Variants in DSCAM observed in about 807,000 individuals in gnomAD.
DSCAM encodes DS cell adhesion molecule, also known as cell adhesion molecule DSCAM.
Under a neutral mutation model 217.7 loss-of-function variants are expected in DSCAM, and 47 were observed. That is an observed-to-expected ratio of 0.22 (90% CI 0.17 to 0.28). The LOEUF is 0.28. DSCAM is among the 10% of genes least tolerant of loss of function. The probability of loss-of-function intolerance (pLI) is 1.00; values close to 1 mark genes in which losing one functional copy is unlikely to be tolerated. For missense variants in DSCAM, 2,080 were observed against 2,618.3 expected (o/e 0.79, Z 4.49); for synonymous variants, 1,056 against 1,015.3 (o/e 1.04, Z -0.76).
rs186777402 is a variant in DSCAM, at chr21:40,374,504, T to G, written c.509-5259A>C. On this transcript the variant is annotated intron_variant, in intron 3 of 32. Transcript: ENST00000400454. ...CCACAGGCAAAATATTTACTAAACCTCTGAGCCAATGTCACATGACAGAGC... is the reference window on the plus strand; with the variant it reads ...CCACAGGCAAAATATTTACTAAACCGCTGAGCCAATGTCACATGACAGAGC... 1.9e-3 allele frequency among the ~76,000 whole-genome samples: 287 copies of G among 152,318 alleles called. 2 individuals are homozygous for G. The highest frequency in any genetic ancestry group is 6.4e-3 in the African/African-American group (266 of 41,566).
chr21:40,508,458 G>C (rs1342141459), intron 3 of DSCAM, among the ~76,000 whole-genome samples: 2 of 151,916 alleles, frequency 1.3e-5, no homozygotes, highest in Admixed American at 1.3e-4. Context: ...ATGGTAAAAA[G>C]ATCCCAAGCA....
chr21:40,769,619 G>A (rs113784482), intron 1 of DSCAM, among the ~76,000 whole-genome samples: 20 of 152,230 alleles, frequency 1.3e-4, no homozygotes, highest in African/African-American at 4.3e-4. Flanking sequence ...TGTGTATCAC[G>A]ACAGACTCTT....
chr21:40,769,397 AAGG>A (rs1569027921), intron 1 of DSCAM, among the ~76,000 whole-genome samples: 1 of 151,890 alleles, frequency 6.6e-6, no homozygotes, highest in African/African-American at 2.4e-5. Flanking sequence ...CCATGGGGAG[AAGG>A]AGATGAGGCC....
intron 11 of DSCAM, among the ~76,000 whole-genome samples, chr21:40,229,928 G>A (rs1420427906): frequency 6.6e-6 from 1 of 152,178 alleles, no homozygotes; most frequent in East Asian, 1.9e-4. Context: ...TGTCGAGCTG[G>A]CTCTATACTT....
intron 1 of DSCAM, among the ~76,000 whole-genome samples, chr21:40,727,787 A>C (rs2090971959): frequency 6.6e-6 from 1 of 151,996 alleles, no homozygotes; most frequent in Non-Finnish European, 1.5e-5. Context: ...GCTTTTGAGG[A>C]CCCCATTCTC....
intron 1 of DSCAM, among the ~76,000 whole-genome samples, chr21:40,755,712 C>T (rs1315546941): frequency 6.6e-6 from 1 of 152,150 alleles, no homozygotes; most frequent in South Asian, 2.1e-4. Context: ...GTAGGGGATT[C>T]CAAAGTTTAC....
chr21:40,617,475 C>T (rs2089418497), intron 3 of DSCAM, among the ~76,000 whole-genome samples: 1 of 152,088 alleles, frequency 6.6e-6, no homozygotes, highest in African/African-American at 2.4e-5. Context: ...ACACCAGAGG[C>T]CACAATCTAC....
intron 11 of DSCAM, among the ~76,000 whole-genome samples, chr21:40,195,650 C>T (rs1197604845): frequency 2.0e-5 from 3 of 152,110 alleles, no homozygotes; most frequent in Non-Finnish European, 4.4e-5. Flanking sequence ...TCCCTCCAGG[C>T]ATTCAGAGCA....
At chr21:40,756,976 C>CGTGTGTGTGTGTGTGTGT (rs1555886227) in intron 1 of DSCAM, among the ~76,000 whole-genome samples, 2 of 149,708 alleles carry the variant, frequency 1.3e-5, no homozygotes, top group South Asian at 2.1e-4. Context: ...AACAAATGGT[C>CGTGTGTGTGTGTGTGTGT]GTGTGTGTGT....
At chr21:40,677,415 G>A (rs2090352735) in intron 3 of DSCAM, among the ~76,000 whole-genome samples, 1 of 152,058 alleles carries the variant, frequency 6.6e-6, no homozygotes, top group South Asian at 2.1e-4. Flanking sequence ...GGGGGTGAGG[G>A]AATGCAGATA....
chr21:40,460,234 CCTATG>C (rs2075795766), intron 3 of DSCAM, among the ~76,000 whole-genome samples: 1 of 152,026 alleles, frequency 6.6e-6, no homozygotes, highest in Non-Finnish European at 1.5e-5. Context: ...CACATATTTA[CCTATG>C]TAACAAACCT....
chr21:40,657,075 C>T (rs1342905483), intron 3 of DSCAM, among the ~76,000 whole-genome samples: 2 of 152,044 alleles, frequency 1.3e-5, no homozygotes, highest in Non-Finnish European at 2.9e-5. Flanking sequence ...TTTCAGATTC[C>T]CCATTATAGA....
chr21:40,518,538 A>ATTATATAT (rs2076332003), intron 3 of DSCAM, among the ~76,000 whole-genome samples: 1 of 71,252 alleles, frequency 1.4e-5, no homozygotes, highest in African/African-American at 7.0e-5. Context: ...TTATATATAT[A>ATTATATAT]TATGTACACA....
intron 5 of DSCAM, among the ~76,000 whole-genome samples, chr21:40,350,187 G>T (rs757498995): frequency 6.6e-6 from 1 of 152,108 alleles, no homozygotes; most frequent in Non-Finnish European, 1.5e-5. Flanking sequence ...AGAAACGCTA[G>T]AAGAAAACCT....
At chr21:40,331,020 C>A (rs727333) in intron 8 of DSCAM, among the ~76,000 whole-genome samples, 10,288 of 152,046 alleles carry the variant, frequency 0.068, 545 homozygotes, top group Admixed American at 0.17. Flanking sequence ...CACAAAAGAC[C>A]CCAGCAAACT....
rs185860753 is a variant in DSCAM at position 40,190,389 on chromosome 21, A to G, written c.2357-1151T>C. On this transcript the variant is annotated intron_variant, in intron 11 of 32. Coordinates refer to ENST00000400454, the MANE Select transcript of DSCAM (RefSeq NM_001389.5). ...GATAGTGAAAAGCCAGAGGTAATAT[A>G]TAATGGCGGTGCTTTGACTACCTGA... Among the ~76,000 whole-genome samples the G allele has an allele frequency of 2.4e-4, 37 of 152,314 alleles. 1 individual carries two copies. In the East Asian group the frequency reaches 6.9e-3, roughly 29 times the overall value.
At chr21:40,402,689 T>TA (rs924681173) in intron 3 of DSCAM, among the ~76,000 whole-genome samples, 3 of 149,862 alleles carry the variant, frequency 2.0e-5, no homozygotes, top group East Asian at 1.9e-4. Context: ...TTTTTTTTTT[T>TA]AATTTATTGA....
At chr21:40,485,475 C>T (rs1345943908) in intron 3 of DSCAM, among the ~76,000 whole-genome samples, 2 of 151,888 alleles carry the variant, frequency 1.3e-5, no homozygotes, top group South Asian at 2.1e-4. Flanking sequence ...ATCTCCTGAC[C>T]TCGTGATCCG....
chr21:40,509,661 T>C (rs1282706912), intron 3 of DSCAM, among the ~76,000 whole-genome samples: 4 of 152,112 alleles, frequency 2.6e-5, no homozygotes, highest in Non-Finnish European at 2.9e-5. Flanking sequence ...CACTAGCTAG[T>C]AAAATTTCTA....
Sources: gnomAD v4.1 joint callset for allele counts (sites outside exome capture counted in the v4.1 genomes callset) on GRCh38, gnomAD v4.1.1 for gene constraint, MANE v1.5 for transcripts, NCBI Gene and HGNC (gene_info 2026-07-23, HGNC 2026-07-21) for gene names.